The following DLC1 variants were observed in gnomAD, a reference collection of about 807,000 sequenced individuals.
DLC1 encodes the protein rho GTPase-activating protein 7.
DLC1 carries 54 observed loss-of-function variants against 140.3 expected under a neutral mutation model. That is an observed-to-expected ratio of 0.38 (90% CI 0.31 to 0.48). The LOEUF is 0.48. Ranked by LOEUF, DLC1 falls within the 20% of genes least tolerant of loss-of-function variation. The pLI, the probability that DLC1 is intolerant of heterozygous loss-of-function variation, is 0.96. For synonymous variants in DLC1, 986 were observed against 728.1 expected (o/e 1.35, Z -5.70); for missense variants, 2,536 against 1,907.0 (o/e 1.33, Z -6.14).
At position 13,085,544 on chromosome 8, in the gene DLC1, C is replaced by G; in HGVS notation, c.*267G>C. On this transcript the variant is annotated 3_prime_UTR_variant, in exon 18 of 18. Coordinates refer to ENST00000276297, the MANE Select transcript of DLC1 (RefSeq NM_182643.3). ...ATAATGTATTTAAAGAGTTTTGCTT[C>G]TCAGAAGCAATTTGAATAAGAATAC... 1 of 319,784 alleles carries G rather than the reference C, an allele frequency of 3.1e-6. No homozygotes were observed. The highest frequency in any genetic ancestry group is 5.7e-6 in the Non-Finnish European group (1 of 176,292). The allele number at this position is 319,784 out of a possible 1,614,324, so 19.8% of individuals were successfully genotyped here. A position where few individuals can be genotyped will look rare whatever the true frequency, so the allele number is the denominator to read the frequency against.
chr8:13,432,172 C>A (rs971264187), intron 2 of DLC1, among the ~76,000 whole-genome samples: 10 of 152,142 alleles, frequency 6.6e-5, no homozygotes, highest in Non-Finnish European at 1.2e-4. Context: ...TATTTTCACA[C>A]AAAGTATCAT....
At chr8:13,463,120 T>C (rs969176603) in intron 2 of DLC1, among the ~76,000 whole-genome samples, 4 of 152,024 alleles carry the variant, frequency 2.6e-5, no homozygotes, top group African/African-American at 9.7e-5. Context: ...GCTGGTTTTA[T>C]TTATTTATTT....
At chr8:13,096,188 C>T (rs1481258989) in intron 10 of DLC1, 2 of 152,170 alleles carry the variant, frequency 1.3e-5, no homozygotes, top group Admixed American at 1.3e-4. Context: ...CCATGTGAGG[C>T]TTTTACAGTT....
chr8:13,149,342 T>C (rs1362167405), intron 5 of DLC1, among the ~76,000 whole-genome samples: 1 of 152,212 alleles, frequency 6.6e-6, no homozygotes, highest in African/African-American at 2.4e-5. Context: ...TGGTGCCTCA[T>C]TGTATTCTGG....
At chr8:13,268,643 A>G (rs1020817471) in intron 5 of DLC1, among the ~76,000 whole-genome samples, 11 of 152,210 alleles carry the variant, frequency 7.2e-5, no homozygotes, top group Middle Eastern at 3.4e-3. Context: ...TTGGTCTCCA[A>G]AAGTGCTGGG....
intron 2 of DLC1, among the ~76,000 whole-genome samples, chr8:13,492,181 A>G (rs989401287): frequency 6.6e-6 from 1 of 151,994 alleles, no homozygotes; most frequent in African/African-American, 2.4e-5. Flanking sequence ...ATATGAGCTT[A>G]TCTGAGGGTT....
intron 2 of DLC1, 193 bp downstream of exon 2, chr8:13,498,856 G>A (rs573507438): frequency 3.2e-5 from 19 of 587,980 alleles, no homozygotes; most frequent in East Asian, 1.4e-4. Flanking sequence ...TTAGTGAAAC[G>A]GATAGATTAT....
At chr8:13,540,543 C>A (rs1803448011) in intron 1 of DLC1, among the ~76,000 whole-genome samples, 1 of 152,192 alleles carries the variant, frequency 6.6e-6, no homozygotes, top group Non-Finnish European at 1.5e-5. Context: ...AGTGCCATCT[C>A]TTACAAAATG....
chr8:13,319,430 C>G (rs532655396), intron 4 of DLC1, among the ~76,000 whole-genome samples: 4 of 143,748 alleles, frequency 2.8e-5, no homozygotes, highest in Non-Finnish European at 6.0e-5. Context: ...AATTTCATCT[C>G]GAATTGTAAT....
At chr8:13,604,433 A>G (rs1805981355) in intron 1 of DLC1, 1 of 152,220 alleles carries the variant, frequency 6.6e-6, no homozygotes, top group Non-Finnish European at 1.5e-5. Context: ...ATATGTGACA[A>G]TATTTTTAGA....
intron 2 of DLC1, among the ~76,000 whole-genome samples, chr8:13,471,134 G>T (rs1053027099): frequency 6.6e-6 from 1 of 151,704 alleles, no homozygotes; most frequent in African/African-American, 2.4e-5. Flanking sequence ...AATGGTAGTT[G>T]TCAGGGGTTG....
intron 4 of DLC1, among the ~76,000 whole-genome samples, chr8:13,391,480 G>A (rs1038604731): frequency 1.2e-4 from 18 of 151,906 alleles, no homozygotes; most frequent in African/African-American, 4.4e-4. Context: ...TTTCTTAATT[G>A]CGATTGTGGG....
At chr8:13,092,387 A>G (rs1427553959) in intron 13 of DLC1, among the ~76,000 whole-genome samples, 2 of 152,214 alleles carry the variant, frequency 1.3e-5, no homozygotes, top group Non-Finnish European at 2.9e-5. Context: ...GATCAGTTCG[A>G]TGGATTTTGT....
intron 1 of DLC1, among the ~76,000 whole-genome samples, chr8:13,551,897 CATAT>C (rs3066463): frequency 1.9e-4 from 26 of 137,888 alleles, no homozygotes; most frequent in East Asian, 6.5e-4. Flanking sequence ...GGTATATATA[CATAT>C]ATATATATAT....
intron 2 of DLC1, among the ~76,000 whole-genome samples, chr8:13,458,452 T>C (rs538243755): frequency 1.2e-4 from 18 of 152,330 alleles, no homozygotes; most frequent in African/African-American, 4.3e-4. Context: ...CTTGGTAAGA[T>C]ACAGTCAGCA....
intron 1 of DLC1, among the ~76,000 whole-genome samples, chr8:13,603,414 T>A (rs1329671273): frequency 1.3e-5 from 2 of 151,898 alleles, no homozygotes; most frequent in Non-Finnish European, 1.5e-5. Flanking sequence ...TTTTTTAGAA[T>A]TTCCTAGCTG....
At chr8:13,579,205 G>T (rs372332005) in intron 1 of DLC1, among the ~76,000 whole-genome samples, 1 of 121,842 alleles carries the variant, frequency 8.2e-6, no homozygotes, top group African/African-American at 3.1e-5. Flanking sequence ...TAGCACCGCC[G>T]CATAAAAGGT....
At position 13,157,552 on chromosome 8, in the gene DLC1, C is replaced by G. The variant is rs139885531; in HGVS notation, c.1349-41895G>C. Among the ~76,000 whole-genome samples, 1,013 of 152,188 alleles carry G rather than the reference C, an allele frequency of 6.7e-3. 17 individuals are homozygous for G. Among genetic ancestry groups the G allele is most frequent in the African/African-American group, 0.024 (976 of 41,526 alleles). On this transcript the variant is annotated intron_variant, in intron 5 of 17. Transcript: ENST00000276297. ...CACACACCTACTTTTTATTGGCTCCCAAATCATAGGCTAACTGAACTAATC... is the reference window on the plus strand; with the variant it reads ...CACACACCTACTTTTTATTGGCTCCGAAATCATAGGCTAACTGAACTAATC...
chr8:13,349,380 T>C (rs769672188), intron 4 of DLC1, among the ~76,000 whole-genome samples: 17 of 151,996 alleles, frequency 1.1e-4, no homozygotes, highest in Admixed American at 3.3e-4. Flanking sequence ...AAACACATTA[T>C]AGCGAAAATG....
Sources: allele counts gnomAD v4.1 joint callset (sites outside exome capture counted in the v4.1 genomes callset), GRCh38; gene constraint gnomAD v4.1.1; transcripts MANE v1.5; gene names NCBI Gene and HGNC (gene_info 2026-07-23, HGNC 2026-07-21).